Variants in RMDN2 observed in about 807,000 individuals in gnomAD.
The protein encoded by RMDN2 is regulator of microtubule dynamics protein 2.
In RMDN2, 61 loss-of-function variants were observed where a neutral mutation model predicts 52.8. The observed-to-expected ratio is 1.16, with a 90% CI of 0.94 to 1.43. The LOEUF (loss-of-function observed/expected upper bound fraction) is 1.43. Ranked by LOEUF, RMDN2 falls within the 40% of genes most tolerant of loss-of-function variation. The probability of loss-of-function intolerance (pLI) is 0.00; values close to 1 mark genes in which losing one functional copy is unlikely to be tolerated. For synonymous variants in RMDN2, 180 were observed against 153.1 expected, an observed-to-expected ratio of 1.18 and a Z score of -1.30; for missense variants, 592 against 475.3, an observed-to-expected ratio of 1.25 and a Z score of -2.28.
Position 37,990,375 on chromosome 2 carries a change from C to T in RMDN2, c.867+759C>T, listed in dbSNP as rs577473453. ...CTCTACTAAAAATACAAAAATTAGC[C>T]AGGCATGGTGGCGGGCGCCTGTAAT... On this transcript the variant is annotated intron_variant, in intron 6 of 10. Coordinates refer to ENST00000354545, the MANE Select transcript of RMDN2 (RefSeq NM_001170791.3). Among the ~76,000 whole-genome samples, 3 of 148,360 alleles carry T rather than the reference C, an allele frequency of 2.0e-5. No homozygotes were observed. The East Asian group carries it at 6.2e-4, about 31-fold the overall frequency.
intron 2 of RMDN2, among the ~76,000 whole-genome samples, chr2:37,940,191 A>G (rs761650871): frequency 3.3e-5 from 5 of 152,168 alleles, no homozygotes; most frequent in Non-Finnish European, 7.3e-5. Context: ...CTTTTCTTTA[A>G]GAATGTTAAA....
chr2:37,988,614 C>G (rs1674355818), intron 5 of RMDN2, among the ~76,000 whole-genome samples: 1 of 151,084 alleles, frequency 6.6e-6, no homozygotes, highest in South Asian at 2.2e-4. Flanking sequence ...TATGGATATT[C>G]ATAGAAATGG....
chr2:37,962,462 C>G (rs981110700), intron 2 of RMDN2, among the ~76,000 whole-genome samples: 3 of 152,192 alleles, frequency 2.0e-5, no homozygotes, highest in Non-Finnish European at 4.4e-5. Flanking sequence ...TCCACCCAGT[C>G]CGAACTTCTG....
At chr2:38,064,128 C>A (rs368770962) in intron 10 of RMDN2, among the ~76,000 whole-genome samples, 2 of 152,282 alleles carry the variant, frequency 1.3e-5, no homozygotes, top group East Asian at 1.9e-4. Context: ...ATTGAGTTGG[C>A]ATTTCTGCTT....
chr2:37,957,074 G>C (rs1394593202), intron 2 of RMDN2, among the ~76,000 whole-genome samples: 2 of 152,156 alleles, frequency 1.3e-5, no homozygotes. Flanking sequence ...ATTTGAGTTG[G>C]CTTCAAGTCT....
intron 10 of RMDN2, chr2:38,039,361 A>G (rs1165465949): frequency 1.3e-5 from 2 of 152,148 alleles, no homozygotes; most frequent in African/African-American, 4.8e-5. Flanking sequence ...GGAAGCCAAC[A>G]TACAGTCTTT....
At chr2:38,009,111 G>A (rs890136580) in intron 10 of RMDN2, among the ~76,000 whole-genome samples, 4 of 152,288 alleles carry the variant, frequency 2.6e-5, no homozygotes, top group African/African-American at 9.6e-5. Context: ...TGGGTAACCC[G>A]TCCTTTCTCT....
chr2:37,986,578 A>G (rs889980737), intron 5 of RMDN2, among the ~76,000 whole-genome samples: 1 of 152,168 alleles, frequency 6.6e-6, no homozygotes, highest in Non-Finnish European at 1.5e-5. Flanking sequence ...AAAAAGAATT[A>G]TATAACCAAG....
chr2:37,942,214 A>G (rs1175626861), intron 2 of RMDN2, among the ~76,000 whole-genome samples: 2 of 151,638 alleles, frequency 1.3e-5, no homozygotes, highest in Non-Finnish European at 2.9e-5. Context: ...GCTTCACCTC[A>G]CCCTCCATAG....
intron 2 of RMDN2, among the ~76,000 whole-genome samples, chr2:37,964,811 T>C (rs1054843296): frequency 1.3e-5 from 2 of 152,206 alleles, no homozygotes; most frequent in African/African-American, 4.8e-5. Context: ...ATTACTTTAT[T>C]ATTAAAGTAA....
intron 2 of RMDN2, among the ~76,000 whole-genome samples, chr2:37,936,503 C>T (rs748680084): frequency 1.3e-5 from 2 of 152,194 alleles, no homozygotes. Context: ...AATTTACACT[C>T]CCACCAACAG....
At chr2:38,061,878 G>C (rs566849572) in intron 10 of RMDN2, among the ~76,000 whole-genome samples, 26 of 152,142 alleles carry the variant, frequency 1.7e-4, no homozygotes, top group Non-Finnish European at 3.4e-4. Context: ...TCATCCCAAA[G>C]GCTGGTATTC....
rs1276630702 is a variant in RMDN2 at position 37,934,369 on chromosome 2, C to A, written c.452+4640C>A. On this transcript the variant is annotated intron_variant, in intron 2 of 10. Coordinates refer to ENST00000354545, the MANE Select transcript of RMDN2 (RefSeq NM_001170791.3). ...ATGCACTTATGCCTTTTCTGGGGCTCAGCTGATTTTCTGCTGGGTATGGTG... is the reference window on the plus strand; with the variant it reads ...ATGCACTTATGCCTTTTCTGGGGCTAAGCTGATTTTCTGCTGGGTATGGTG... Among the ~76,000 whole-genome samples, 5 of 152,202 alleles carry A rather than the reference C, an allele frequency of 3.3e-5. No homozygotes were observed. The East Asian group carries it at 9.7e-4, about 29-fold the overall frequency.
chr2:37,956,495 A>T (rs1669478807), intron 2 of RMDN2, among the ~76,000 whole-genome samples: 1 of 151,882 alleles, frequency 6.6e-6, no homozygotes, highest in African/African-American at 2.4e-5. Context: ...ACTTGGTTTC[A>T]TTGATTTCCT....
At chr2:38,049,269 G>C (rs11124632) in intron 10 of RMDN2, among the ~76,000 whole-genome samples, 44,693 of 151,956 alleles carry the variant, frequency 0.29, 8,133 homozygotes, top group South Asian at 0.49. Flanking sequence ...AGGAAGGAAG[G>C]GAAGTTGGGA....
intron 8 of RMDN2, among the ~76,000 whole-genome samples, chr2:38,003,604 G>GATAGATAGA (rs1306774545): frequency 1.5e-4 from 15 of 103,168 alleles, no homozygotes; most frequent in South Asian, 9.9e-4. Context: ...AGATAGATAG[G>GATAGATAGA]CAGACAGACA....
At chr2:38,025,703 G>T (rs1046860837) in intron 10 of RMDN2, among the ~76,000 whole-genome samples, 1 of 151,810 alleles carries the variant, frequency 6.6e-6, no homozygotes, top group Non-Finnish European at 1.5e-5. Flanking sequence ...TGTCACACTT[G>T]TGTTCATTGA....
At chr2:37,946,736 C>T (rs1349062061) in intron 2 of RMDN2, among the ~76,000 whole-genome samples, 1 of 152,014 alleles carries the variant, frequency 6.6e-6, no homozygotes, top group Admixed American at 6.6e-5. Flanking sequence ...ATAGTTATTG[C>T]CATTTCATAT....
In RMDN2 at chr2:38,031,256, C is replaced by CTTTT. The variant is rs552306141; in HGVS notation, c.1713+27061_1713+27064dup. ...TTGCTCATAGTCATACTTTGTTTCC[C>CTTTT]TTTTTTTTTTTTTTTTTTTTTTTTG... On this transcript the variant is annotated intron_variant, in intron 10 of 10. Transcript: ENST00000234195. Among the ~76,000 whole-genome samples, 429 of 105,870 alleles carry CTTTT rather than the reference C, an allele frequency of 4.1e-3. 5 individuals carry two copies. The highest frequency in any genetic ancestry group is 5.3e-3 in the Non-Finnish European group (290 of 54,298). 69.5% of individuals were successfully genotyped at this position (105,870 alleles called of 152,430 possible).
Sources: allele counts gnomAD v4.1 joint callset (sites outside exome capture counted in the v4.1 genomes callset), GRCh38; gene constraint gnomAD v4.1.1; transcripts MANE v1.5; gene names NCBI Gene and HGNC (gene_info 2026-07-23, HGNC 2026-07-21).